Variants in CHRNA3 observed in about 807,000 individuals in gnomAD.
CHRNA3 encodes the protein neuronal acetylcholine receptor subunit alpha-3.
A neutral mutation model predicts 41.9 loss-of-function variants in CHRNA3; 34 were observed. The observed-to-expected ratio is 0.81, with a 90% CI of 0.62 to 1.08. The LOEUF (loss-of-function observed/expected upper bound fraction) is 1.08, where lower values mean the gene tolerates loss of function less well. Ranked by LOEUF, CHRNA3 falls within the 50% of genes least tolerant of loss-of-function variation. The probability of loss-of-function intolerance (pLI) is 0.00; values close to 1 mark genes in which losing one functional copy is unlikely to be tolerated. For missense variants in CHRNA3, 542 were observed against 638.3 expected (o/e 0.85, Z 1.63); for synonymous variants, 281 against 265.2 (o/e 1.06, Z -0.58).
downstream of CHRNA3, chr15:78,594,697 T>C (rs2053071656): frequency 6.6e-6 from 1 of 152,214 alleles, no homozygotes; most frequent in Non-Finnish European, 1.5e-5. Flanking sequence ...TTGGTCTAAA[T>C]CATTCTGTGA....
At chr15:78,594,163 T>G (rs78107451), downstream of CHRNA3, 1 of 152,220 alleles carries the variant, frequency 6.6e-6, no homozygotes, top group Non-Finnish European at 1.5e-5. Flanking sequence ...GATGCTTAAT[T>G]ATTGTGTTAA....
rs201646744 is a variant in CHRNA3 at position 78,617,094 on chromosome 15, A to G, written c.307T>C (p.Tyr103His). 4 of 1,613,766 alleles carry G rather than the reference A, an allele frequency of 2.5e-6. No individual in the cohort carries two copies. Among genetic ancestry groups the G allele is most frequent in the Middle Eastern group, 1.6e-4 (1 of 6,062 alleles). Residue 103 changes from tyrosine to histidine, a missense_variant, in exon 4 of 6, where the codon TAT (tyrosine) becomes CAT (histidine). Physicochemically the swap from Tyr to His is moderately conservative, Grantham distance 83 (BLOSUM62 2). Coordinates refer to ENST00000326828, the MANE Select transcript of CHRNA3 (RefSeq NM_000743.5). ...DYKLKWNPSDYGGAEFMRVPA... is the reference protein window; with the variant it reads ...DYKLKWNPSDHGGAEFMRVPA... Reference sequence around the variant, plus strand: ...ACACGCATGAACTCTGCCCCACCATAGTCAGAGGGGTTCCATTTCAGCTTG... The same window carrying G: ...ACACGCATGAACTCTGCCCCACCATGGTCAGAGGGGTTCCATTTCAGCTTG...
At chr15:78,610,986 T>G (rs1197710767) in intron 4 of CHRNA3, among the ~76,000 whole-genome samples, 1 of 152,106 alleles carries the variant, frequency 6.6e-6, no homozygotes, top group Non-Finnish European at 1.5e-5. Context: ...ATGGATAAAT[T>G]CCTGGACACA....
intron 1 of CHRNA3, chr15:78,620,411 A>T: frequency 7.5e-6 from 2 of 265,266 alleles, no homozygotes; most frequent in Non-Finnish European, 1.4e-5. Flanking sequence ...GCGAATCCCC[A>T]ACTCCTGCGC....
chr15:78,620,351 G>A lies in CHRNA3; in HGVS notation c.82+362C>T, dbSNP rs371754877. 331 of 271,828 alleles carry A rather than the reference G, an allele frequency of 1.2e-3. 1 individual carries two copies. Among genetic ancestry groups the A allele is most frequent in the African/African-American group, 7.0e-3 (310 of 44,308 alleles). The allele number at this position is 271,828 out of a possible 1,614,324, so 16.8% of individuals were successfully genotyped here. ...ACGGTGGAGCGGGAGGCTTGGGCGCGCCAGTTTGGGAGCCAGTGCGCGGGG... is the reference window on the plus strand; with the variant it reads ...ACGGTGGAGCGGGAGGCTTGGGCGCACCAGTTTGGGAGCCAGTGCGCGGGG... On this transcript the variant is annotated intron_variant, in intron 1 of 5. Coordinates refer to ENST00000326828, the MANE Select transcript of CHRNA3 (RefSeq NM_000743.5).
intron 4 of CHRNA3, among the ~76,000 whole-genome samples, chr15:78,616,080 A>G (rs1414343787): frequency 2.4e-4 from 1 of 4,196 alleles, no homozygotes; most frequent in Non-Finnish European, 3.9e-4. Flanking sequence ...GGGGCTGGGC[A>G]TGGTGGCTCA....
chr15:78,604,196 T>G (rs2053248480), intron 4 of CHRNA3, among the ~76,000 whole-genome samples: 1 of 152,198 alleles, frequency 6.6e-6, no homozygotes, highest in South Asian at 2.1e-4. Context: ...TAGCTACTTT[T>G]GAGCTCCAGG....
chr15:78,599,338 G>C (rs184273524), intron 5 of CHRNA3, among the ~76,000 whole-genome samples: 142 of 152,258 alleles, frequency 9.3e-4, no homozygotes, highest in African/African-American at 3.3e-3. Context: ...ATGAGTCACA[G>C]ATGTTAGGCA....
rs1356667864 is a variant in CHRNA3 at position 78,601,325 on chromosome 15, T to C, written c.1317A>G (p.Pro439=). ...CACTTTGGATGGCTTCTTTGATTTC[T>C]GGTGACAAAGCAGAGAGGGACAGCA... is the stretch of plus-strand genomic sequence containing the variant. The part of the protein sequence containing the change: ...DAVLSLSALS[P]EIKEAIQSVK... Residue 439 remains proline, a synonymous_variant, in exon 5 of 6, where the codon CCA becomes CCG. Transcript: ENST00000326828. 6.2e-7 allele frequency: 1 copy of C among 1,614,256 alleles called. No individual in the cohort carries two copies. Among genetic ancestry groups the C allele is most frequent in the Non-Finnish European group, 8.5e-7 (1 of 1,180,040 alleles).
At chr15:78,607,545 G>A (rs552604915) in intron 4 of CHRNA3, 6 of 141,648 alleles carry the variant, frequency 4.2e-5, no homozygotes, top group East Asian at 2.2e-4. Flanking sequence ...TGGCTAAAAC[G>A]GTGAAACCCC....
At position 78,620,903 on chromosome 15, in the gene CHRNA3, G is replaced by C. The variant is rs976689119; in HGVS notation, c.-109C>G. The C allele has an allele frequency of 1.5e-5, 18 of 1,238,420 alleles. No individual in the cohort carries two copies. Among genetic ancestry groups the C allele is most frequent in the Non-Finnish European group, 1.8e-5 (18 of 990,236 alleles). The allele number at this position is 1,238,420 out of a possible 1,614,324, so 76.7% of individuals were successfully genotyped here. On this transcript the variant is annotated 5_prime_UTR_variant, in exon 1 of 6. Coordinates refer to ENST00000326828, the MANE Select transcript of CHRNA3 (RefSeq NM_000743.5). ...CAGCGCAGACCCCAGACCTGGAGCC[G>C]TGCGGGCGGAGACGCGCGGGGCTCC...
intron 4 of CHRNA3, among the ~76,000 whole-genome samples, chr15:78,612,414 A>G (rs1283200233): frequency 2.2e-5 from 3 of 138,742 alleles, no homozygotes; most frequent in Non-Finnish European, 3.1e-5. Flanking sequence ...ATAACGCCAC[A>G]TATCTACAAC....
In CHRNA3 at chr15:78,601,652, G is replaced by T. The variant is rs1376623543; in HGVS notation, c.990C>A (p.Tyr330Ter). Residue 330 changes from tyrosine to a stop codon, truncating the protein, a stop_gained, in exon 5 of 6, where the codon TAC becomes TAA. Transcript: ENST00000326828. LOFTEE classifies it high-confidence loss of function. ...VITVFVLNVH[Y>*]RTPTTHTMPS... is the part of the protein sequence containing the mutation. ...GCATTGTGTGTGTCGTCGGGGTTCT[G>T]TAGTGCACGTTGAGCACGAAGACGG... 1 of 1,614,172 alleles carries T rather than the reference G, an allele frequency of 6.2e-7. No homozygotes were observed. The highest frequency in any genetic ancestry group is 1.1e-5 in the South Asian group (1 of 91,076).
intron 4 of CHRNA3, among the ~76,000 whole-genome samples, chr15:78,605,918 C>T (rs1246310525): frequency 1.3e-5 from 2 of 152,122 alleles, no homozygotes; most frequent in Non-Finnish European, 2.9e-5. Context: ...ACAAGTGGCA[C>T]CTCAAGGTAA....
At chr15:78,616,336 G>A (rs1050722458) in intron 4 of CHRNA3, among the ~76,000 whole-genome samples, 13 of 150,276 alleles carry the variant, frequency 8.7e-5, no homozygotes, top group African/African-American at 3.0e-4. Flanking sequence ...CTGGGTGACA[G>A]TAAGACTCAG....
At chr15:78,615,274 C>T (rs939841696) in intron 4 of CHRNA3, among the ~76,000 whole-genome samples, 5 of 152,276 alleles carry the variant, frequency 3.3e-5, no homozygotes, top group Admixed American at 2.6e-4. Context: ...CTGCAGGGTA[C>T]ACCGTGTAGC....
At chr15:78,614,789 G>C (rs1177638982) in intron 4 of CHRNA3, among the ~76,000 whole-genome samples, 1 of 152,156 alleles carries the variant, frequency 6.6e-6, no homozygotes, top group Non-Finnish European at 1.5e-5. Context: ...TCAATACCCA[G>C]AGAACTAACT....
intron 4 of CHRNA3, among the ~76,000 whole-genome samples, chr15:78,605,559 C>A (rs1327259192): frequency 6.6e-6 from 1 of 152,204 alleles, no homozygotes; most frequent in African/African-American, 2.4e-5. Flanking sequence ...AACAATGGAA[C>A]AGAGAGGGCT....
At chr15:78,616,236 C>G (rs1239843114) in intron 4 of CHRNA3, among the ~76,000 whole-genome samples, 1 of 151,688 alleles carries the variant, frequency 6.6e-6, no homozygotes, top group Non-Finnish European at 1.5e-5. Flanking sequence ...GCCTGTAATC[C>G]CAGCTACTTG....
Sources: gnomAD v4.1 joint callset for allele counts (sites outside exome capture counted in the v4.1 genomes callset) on GRCh38, gnomAD v4.1.1 for gene constraint, MANE v1.5 for transcripts, NCBI Gene and HGNC (gene_info 2026-07-23, HGNC 2026-07-21) for gene names.